The following MME variants were observed in gnomAD, a reference collection of about 807,000 sequenced individuals.
MME encodes neprilysin.
Under a neutral mutation model 113.2 loss-of-function variants are expected in MME, and 98 were observed. The observed-to-expected ratio is 0.87, with a 90% CI of 0.74 to 1.02. MME has a LOEUF of 1.02. Ranked by LOEUF, MME falls within the 50% of genes least tolerant of loss-of-function variation. The pLI is 0.00. For missense variants in MME, 836 were observed against 896.0 expected (o/e 0.93, Z 0.86); for synonymous variants, 292 against 300.6 (o/e 0.97, Z 0.30).
chr3:155,158,666 C>T (rs1027766984), intron 16 of MME: 1 of 152,032 alleles, frequency 6.6e-6, no homozygotes, highest in African/African-American at 2.4e-5. Context: ...TGTTCTACAT[C>T]GTTTCTGATC....
chr3:155,155,290 A>C (rs945971979), intron 16 of MME, among the ~76,000 whole-genome samples: 1 of 152,196 alleles, frequency 6.6e-6, no homozygotes, highest in African/African-American at 2.4e-5. Flanking sequence ...TTCAAACAAC[A>C]CAATTAAAAG....
At chr3:155,178,225 C>G (rs562311905) in intron 22 of MME, among the ~76,000 whole-genome samples, 6 of 152,188 alleles carry the variant, frequency 3.9e-5, no homozygotes, top group Admixed American at 3.9e-4. Context: ...GTCTTTAAGA[C>G]TCATCTAGGA....
At chr3:155,164,324 A>G (rs2108358315) in intron 17 of MME, among the ~76,000 whole-genome samples, 1 of 152,238 alleles carries the variant, frequency 6.6e-6, no homozygotes, top group South Asian at 2.1e-4. Flanking sequence ...CTTTTGCTTC[A>G]TGGCCCAATG....
chr3:155,025,137 C>T (rs1360483973), intron 1 of MME, among the ~76,000 whole-genome samples: 2 of 152,200 alleles, frequency 1.3e-5, no homozygotes, highest in Non-Finnish European at 2.9e-5. Context: ...ATCTGCAACA[C>T]TCAAACCTCT....
intron 1 of MME, among the ~76,000 whole-genome samples, chr3:155,057,392 A>T (rs1292365392): frequency 6.6e-6 from 1 of 152,102 alleles, no homozygotes. Flanking sequence ...CAAAACCACA[A>T]TGAGATACCA....
intron 1 of MME, among the ~76,000 whole-genome samples, chr3:155,041,068 C>T (rs1162726433): frequency 6.6e-6 from 1 of 152,164 alleles, no homozygotes; most frequent in East Asian, 1.9e-4. Context: ...TTTCTCAAGA[C>T]AAAATTCTAG....
intron 16 of MME, among the ~76,000 whole-genome samples, chr3:155,156,146 T>C (rs986130443): frequency 1.3e-5 from 2 of 152,280 alleles, no homozygotes; most frequent in East Asian, 1.9e-4. Context: ...TTATGGATCA[T>C]TGGGAAGAGC....
chr3:155,071,330 G>A (rs771848444), intron 1 of MME, among the ~76,000 whole-genome samples: 1 of 152,134 alleles, frequency 6.6e-6, no homozygotes, highest in Non-Finnish European at 1.5e-5. Flanking sequence ...TTTCCTGCCC[G>A]ACCGTATCAG....
At chr3:155,175,854 C>G (rs1310495791) in intron 22 of MME, among the ~76,000 whole-genome samples, 1 of 152,058 alleles carries the variant, frequency 6.6e-6, no homozygotes, top group Non-Finnish European at 1.5e-5. Context: ...TCTTCTGTTT[C>G]TTCCATTTCC....
At chr3:155,100,556 G>T (rs1717120970) in intron 3 of MME, among the ~76,000 whole-genome samples, 1 of 152,290 alleles carries the variant, frequency 6.6e-6, no homozygotes, top group Non-Finnish European at 1.5e-5. Context: ...ATAGTATTGT[G>T]ATGCAGTGTA....
At chr3:155,132,544 A>G (rs1369247555) in intron 8 of MME, among the ~76,000 whole-genome samples, 2 of 152,036 alleles carry the variant, frequency 1.3e-5, no homozygotes, top group East Asian at 3.9e-4. Flanking sequence ...TTTTTTTTTA[A>G]GAAAAGCTAC....
intron 3 of MME, among the ~76,000 whole-genome samples, chr3:155,095,390 A>T (rs1272445928): frequency 1.3e-5 from 2 of 152,104 alleles, no homozygotes; most frequent in African/African-American, 4.8e-5. Flanking sequence ...ACTGAGCCTG[A>T]TTTTCTGCTT....
At chr3:155,067,825 G>A (rs897064995) in intron 1 of MME, among the ~76,000 whole-genome samples, 4 of 152,150 alleles carry the variant, frequency 2.6e-5, no homozygotes, top group East Asian at 1.9e-4. Context: ...TGCTTATACA[G>A]TACTGGTGTG....
At position 155,093,593 on chromosome 3, in the gene MME, C is replaced by G. The variant is rs769169527; in HGVS notation, c.196+8499C>G. Among the ~76,000 whole-genome samples the G allele has an allele frequency of 1.6e-4, 25 of 152,116 alleles. 1 individual carries two copies. Among genetic ancestry groups the G allele is most frequent in the Admixed American group, 1.6e-3 (25 of 15,278 alleles). The stretch of plus-strand genomic sequence containing the variant: ...AAGAGCCAGGACGGGCGTTTTGGCT[C>G]ACGTCTATAATCCCAGCACTTTGGG... On this transcript the variant is annotated intron_variant, in intron 3 of 22. Transcript: ENST00000360490.
chr3:155,173,317 T>A (rs755491571), intron 22 of MME, among the ~76,000 whole-genome samples: 1 of 145,862 alleles, frequency 6.9e-6, no homozygotes, highest in Non-Finnish European at 1.5e-5. Flanking sequence ...CAACAACACC[T>A]CTCAGGCAAG....
At chr3:155,110,634 A>C (rs936945908) in intron 3 of MME, among the ~76,000 whole-genome samples, 1 of 152,256 alleles carries the variant, frequency 6.6e-6, no homozygotes, top group Non-Finnish European at 1.5e-5. Context: ...GCTCATTATT[A>C]ATAGAAGATT....
At chr3:155,135,560 A>G (rs1435017868) in intron 8 of MME, among the ~76,000 whole-genome samples, 3 of 152,170 alleles carry the variant, frequency 2.0e-5, no homozygotes, top group African/African-American at 7.2e-5. Flanking sequence ...ATTTGAAGTC[A>G]GGTAATGTGA....
intron 3 of MME, among the ~76,000 whole-genome samples, chr3:155,086,388 T>C: frequency 6.6e-6 from 1 of 152,118 alleles, no homozygotes; most frequent in East Asian, 1.9e-4. Flanking sequence ...AGATGAGGTT[T>C]AAGAAGCTGG....
At chr3:155,170,547 T>A (rs1711813714) in intron 20 of MME, among the ~76,000 whole-genome samples, 2 of 152,214 alleles carry the variant, frequency 1.3e-5, no homozygotes, top group Admixed American at 1.3e-4. Context: ...TCTGTGAATC[T>A]TGGGGATTTC....
Sources: allele counts gnomAD v4.1 joint callset (sites outside exome capture counted in the v4.1 genomes callset), GRCh38; gene constraint gnomAD v4.1.1; transcripts MANE v1.5; gene names NCBI Gene and HGNC (gene_info 2026-07-23, HGNC 2026-07-21).